The following NPRL3 variants were observed in gnomAD, a reference collection of about 807,000 sequenced individuals.
The protein encoded by NPRL3 is GATOR1 complex protein NPRL3.
NPRL3 carries 23 observed loss-of-function variants against 57.2 expected under a neutral mutation model. The observed-to-expected ratio is 0.40, with a 90% CI of 0.29 to 0.57. NPRL3 has a LOEUF of 0.57. Ranked by LOEUF, NPRL3 falls within the 20% of genes least tolerant of loss-of-function variation. The pLI, the probability that NPRL3 is intolerant of heterozygous loss-of-function variation, is 0.42. For synonymous variants in NPRL3, 333 were observed against 321.1 expected, an observed-to-expected ratio of 1.04 and a Z score of -0.39; for missense variants, 691 against 767.1, an observed-to-expected ratio of 0.90 and a Z score of 1.17.
intron 7 of NPRL3, among the ~76,000 whole-genome samples, chr16:105,493 T>C (rs1279950463): frequency 2.0e-5 from 2 of 97,706 alleles, no homozygotes; most frequent in African/African-American, 8.9e-5. Flanking sequence ...TGCATTTTTA[T>C]GGAAATGGGT....
intron 11 of NPRL3, among the ~76,000 whole-genome samples, chr16:91,427 G>A (rs1216358431): frequency 2.0e-5 from 3 of 152,208 alleles, no homozygotes; most frequent in Non-Finnish European, 4.4e-5. Flanking sequence ...TGGAGCCCAG[G>A]CAGAACCTGG....
intron 2 of NPRL3, among the ~76,000 whole-genome samples, chr16:132,006 TTC>T (rs1491308962): frequency 6.8e-5 from 8 of 118,108 alleles, no homozygotes; most frequent in Admixed American, 1.8e-4. Context: ...CTTTCTTTCT[TTC>T]TTTTTTTTTT....
At chr16:112,895 T>A in intron 5 of NPRL3, 120 bp from the exon 6 acceptor site, 1 of 967,948 alleles carries the variant, frequency 1.0e-6, no homozygotes, top group Non-Finnish European at 1.4e-6. Context: ...AAAGCGTCTC[T>A]ACTCCTTTCC....
intron 8 of NPRL3, 39 bp from the exon 9 acceptor site, chr16:98,340 A>G: frequency 6.3e-7 from 1 of 1,596,478 alleles, no homozygotes; most frequent in Non-Finnish European, 8.5e-7. Context: ...CACGAAGTGC[A>G]GGAACCCTGC....
intron 11 of NPRL3, among the ~76,000 whole-genome samples, chr16:91,749 C>T (rs1898772560): frequency 2.0e-5 from 3 of 152,248 alleles, no homozygotes; most frequent in Admixed American, 2.0e-4. Context: ...ACTTTAAGGA[C>T]TGGTTTTGCC....
In NPRL3 at chr16:105,584, G is replaced by C. The variant is rs1951298805; in HGVS notation, c.629+4941C>G. On this transcript the variant is annotated intron_variant, in intron 7 of 13. Coordinates refer to ENST00000611875, the MANE Select transcript of NPRL3 (RefSeq NM_001077350.3). ...TTTGCAGTGCAAGGCTCCGCACCAA[G>C]TACCACCTACCCAGCCAGACCCTGG... Among the ~76,000 whole-genome samples the C allele has an allele frequency of 3.3e-5, 5 of 152,192 alleles. No individual in the cohort carries two copies. In the South Asian group the frequency reaches 1.0e-3, roughly 31 times the overall value.
intron 7 of NPRL3, among the ~76,000 whole-genome samples, chr16:102,263 A>G (rs556186133): frequency 6.6e-6 from 1 of 152,324 alleles, no homozygotes; most frequent in Admixed American, 6.5e-5. Flanking sequence ...CCCTTGCCTT[A>G]AGTAAGAGCC....
intron 11 of NPRL3, 144 bp from the exon 12 acceptor site, chr16:90,046 GC>G (rs1898698681): frequency 1.5e-5 from 11 of 757,148 alleles, no homozygotes; most frequent in Non-Finnish European, 2.0e-5. Flanking sequence ...CAGAAAGGGA[GC>G]CCCCAGCTGC....
intron 7 of NPRL3, among the ~76,000 whole-genome samples, chr16:106,357 G>C (rs1325570141): frequency 6.6e-6 from 1 of 151,114 alleles, no homozygotes; most frequent in African/African-American, 2.4e-5. Context: ...TGGGGGCAGG[G>C]CATGGTGGCT....
intron 3 of NPRL3, chr16:119,482 G>A (rs901447060): frequency 8.9e-6 from 5 of 561,858 alleles, no homozygotes; most frequent in Non-Finnish European, 1.6e-5. Flanking sequence ...AGCACAGACT[G>A]AAGGCACATG....
chr16:112,847 C>G, intron 5 of NPRL3, 72 bp from the exon 6 acceptor site: 1 of 1,388,992 alleles, frequency 7.2e-7, no homozygotes. Flanking sequence ...TTAAATGGAG[C>G]TAACACAGGT....
At chr16:87,127 T>G (rs1281973683) in intron 13 of NPRL3, among the ~76,000 whole-genome samples, 1 of 152,146 alleles carries the variant, frequency 6.6e-6, no homozygotes, top group African/African-American at 2.4e-5. Context: ...AACCCAGAGG[T>G]GCCCAAGCCT....
At chr16:87,650 A>G (rs1165054128) in intron 13 of NPRL3, among the ~76,000 whole-genome samples, 1 of 150,882 alleles carries the variant, frequency 6.6e-6, no homozygotes, top group South Asian at 2.1e-4. Context: ...CCTCCCGCCA[A>G]GCTCCGCCTC....
At chr16:93,767 T>C (rs565893531) in intron 9 of NPRL3, among the ~76,000 whole-genome samples, 2 of 152,320 alleles carry the variant, frequency 1.3e-5, no homozygotes, top group East Asian at 3.9e-4. Flanking sequence ...GGTTTCACCA[T>C]GTTGGCCAGG....
chr16:86,872 TG>T lies in NPRL3; in HGVS notation c.1545-3del. On this transcript the variant is annotated splice_polypyrimidine_tract_variant and splice_region_variant and intron_variant, in intron 13 of 13. Coordinates refer to ENST00000611875, the MANE Select transcript of NPRL3 (RefSeq NM_001077350.3). ...CGGCCGCGGAAGTAGTGAAGGAGCC[TG>T]GAAGGGATGGGTGGGTGTGAGCCCA... is the stretch of plus-strand genomic sequence containing the variant. The T allele has an allele frequency of 6.2e-7, 1 of 1,612,118 alleles. No individual in the cohort carries two copies.
At chr16:119,339 C>T (rs1024259957) in intron 3 of NPRL3, 84 bp from the exon 4 acceptor site, 4 of 1,350,548 alleles carry the variant, frequency 3.0e-6, no homozygotes, top group Non-Finnish European at 4.1e-6. Flanking sequence ...GCGGAAGGGT[C>T]TCAGTAAACT....
chr16:87,014 G>GC (rs1452050186), intron 13 of NPRL3, 144 bp from the exon 14 acceptor site: 1 of 825,108 alleles, frequency 1.2e-6, no homozygotes, highest in South Asian at 1.8e-5. Flanking sequence ...AGCCACCACA[G>GC]CCCCCCAACA....
chr16:99,538 G>T (rs1198129666), intron 8 of NPRL3, among the ~76,000 whole-genome samples: 2 of 151,150 alleles, frequency 1.3e-5, no homozygotes, highest in Non-Finnish European at 2.9e-5. Context: ...AGCTACTCAG[G>T]GGGCTGAGGC....
At chr16:115,182 C>T (rs556858930) in intron 5 of NPRL3, among the ~76,000 whole-genome samples, 48 of 151,926 alleles carry the variant, frequency 3.2e-4, no homozygotes, top group African/African-American at 1.1e-3. Flanking sequence ...GCTATGTTGC[C>T]CAGGCTGGTG....
Sources: allele counts gnomAD v4.1 joint callset (sites outside exome capture counted in the v4.1 genomes callset), GRCh38; gene constraint gnomAD v4.1.1; transcripts MANE v1.5; gene names NCBI Gene and HGNC (gene_info 2026-07-23, HGNC 2026-07-21).